CDH13: variants seen among roughly 807,000 people sequenced by gnomAD.
CDH13 encodes cadherin 13.
Under a neutral mutation model 63.8 loss-of-function variants are expected in CDH13, and 24 were observed. That is an observed-to-expected ratio of 0.38 (90% CI 0.27 to 0.53). The LOEUF is 0.53. Among genes scored for constraint, CDH13 ranks in the 20% least tolerant of loss-of-function variants. The probability of loss-of-function intolerance (pLI) is 0.85; values close to 1 mark genes in which losing one functional copy is unlikely to be tolerated. For missense variants in CDH13, 1,049 were observed against 903.1 expected (o/e 1.16, Z -2.07); for synonymous variants, 503 against 355.3 (o/e 1.42, Z -4.67).
At chr16:83,298,707 A>T (rs941930172) in intron 5 of CDH13, among the ~76,000 whole-genome samples, 3 of 152,212 alleles carry the variant, frequency 2.0e-5, no homozygotes, top group Non-Finnish European at 4.4e-5. Context: ...GGACTTGGAA[A>T]GGCCTAAGGT....
intron 3 of CDH13, among the ~76,000 whole-genome samples, chr16:83,083,293 T>C (rs923816110): frequency 6.6e-6 from 1 of 152,010 alleles, no homozygotes; most frequent in Non-Finnish European, 1.5e-5. Context: ...CCTGTTTCAG[T>C]AAAGCATTAG....
intron 1 of CDH13, among the ~76,000 whole-genome samples, chr16:82,633,016 G>T (rs1343569537): frequency 6.6e-6 from 1 of 152,170 alleles, no homozygotes; most frequent in East Asian, 1.9e-4. Context: ...AGGAGGCAGA[G>T]CCCAGGCGGT....
chr16:83,025,514 A>G (rs1915717470), intron 2 of CDH13, among the ~76,000 whole-genome samples: 1 of 152,168 alleles, frequency 6.6e-6, no homozygotes, highest in Non-Finnish European at 1.5e-5. Context: ...TGTCACAAGA[A>G]TAGCATGGAG....
At chr16:82,824,866 G>A (rs1305857987) in intron 1 of CDH13, 1 of 152,310 alleles carries the variant, frequency 6.6e-6, no homozygotes, top group South Asian at 2.1e-4. Flanking sequence ...GATGTTTGCT[G>A]CCATTTAGAA....
intron 4 of CDH13, among the ~76,000 whole-genome samples, chr16:83,216,404 ATATATATATATATATATATATAT>A: frequency 1.8e-5 from 1 of 56,534 alleles, no homozygotes; most frequent in South Asian, 6.7e-4. Context: ...TGAAATATAT[ATATATATATATATATATATATAT>A]ATATATATAT....
At chr16:82,873,390 C>T (rs1567619512) in intron 2 of CDH13, among the ~76,000 whole-genome samples, 2 of 152,180 alleles carry the variant, frequency 1.3e-5, no homozygotes, top group African/African-American at 4.8e-5. Context: ...TGACTCCAAA[C>T]CCCATTATCT....
intron 10 of CDH13, chr16:83,721,555 C>A (rs1335050492): frequency 6.6e-6 from 1 of 152,244 alleles, no homozygotes; most frequent in Non-Finnish European, 1.5e-5. Flanking sequence ...GGAAGAGTTG[C>A]TGAACACCTG....
chr16:83,172,845 T>C (rs989283238), intron 4 of CDH13, among the ~76,000 whole-genome samples: 2 of 152,126 alleles, frequency 1.3e-5, no homozygotes, highest in African/African-American at 2.4e-5. Flanking sequence ...GATCGTTTCA[T>C]CAGAGGATTT....
chr16:82,944,921 T>C (rs1350709756), intron 2 of CDH13, among the ~76,000 whole-genome samples: 1 of 152,082 alleles, frequency 6.6e-6, no homozygotes, highest in Non-Finnish European at 1.5e-5. Context: ...AAGAGAAATT[T>C]TAAAAAAATA....
intron 7 of CDH13, among the ~76,000 whole-genome samples, chr16:83,567,444 C>T (rs1159648155): frequency 2.6e-5 from 4 of 152,132 alleles, no homozygotes; most frequent in Non-Finnish European, 5.9e-5. Flanking sequence ...AACTGAGTCA[C>T]AAGAAGAGTT....
chr16:83,486,141 T>TAAAAAAAAGAAAA (rs138896605), intron 6 of CDH13, among the ~76,000 whole-genome samples: 49,168 of 150,178 alleles, frequency 0.33, 8,158 homozygotes, highest in Middle Eastern at 0.39. Context: ...AGACTCTGTC[T>TAAAAAAAAGAAAA]AAAAAAATGA....
chr16:83,099,555 C>G lies in CDH13; in HGVS notation c.367-25830C>G, dbSNP rs138710282. On this transcript the variant is annotated intron_variant, in intron 3 of 13. Transcript: ENST00000567109. Reference sequence around the variant, plus strand: ...GCCAGGCTGGTCTCGAAGTCCTAACCTCATGTGATCTACCTAACTCAGCCT... The same window carrying G: ...GCCAGGCTGGTCTCGAAGTCCTAACGTCATGTGATCTACCTAACTCAGCCT... Among the ~76,000 whole-genome samples, 3 of 129,876 alleles carry G rather than the reference C, an allele frequency of 2.3e-5. No individual in the cohort carries two copies. In the East Asian group the frequency reaches 8.9e-4, roughly 39 times the overall value. 85.2% of individuals were successfully genotyped at this position (129,876 alleles called of 152,430 possible). A position where few individuals can be genotyped will look rare whatever the true frequency, so the allele number is the denominator to read the frequency against.
chr16:83,232,772 A>AT (rs11382162), intron 5 of CDH13, among the ~76,000 whole-genome samples: 48,488 of 151,838 alleles, frequency 0.32, 8,221 homozygotes, highest in African/African-American at 0.38. Flanking sequence ...ACTCTCGGGT[A>AT]TTTTTTTATA....
chr16:83,533,346 G>C (rs904387144), intron 7 of CDH13, among the ~76,000 whole-genome samples: 4 of 152,194 alleles, frequency 2.6e-5, no homozygotes, highest in African/African-American at 9.6e-5. Context: ...GAGATGCCCA[G>C]AGGTGAGTCA....
chr16:82,757,990 C>G (rs529148162), intron 1 of CDH13, among the ~76,000 whole-genome samples: 2 of 152,256 alleles, frequency 1.3e-5, no homozygotes, highest in East Asian at 1.9e-4. Flanking sequence ...CATTCTGAGG[C>G]TAGAAATCTC....
chr16:83,147,526 C>T (rs576576272), intron 4 of CDH13, among the ~76,000 whole-genome samples: 3 of 152,322 alleles, frequency 2.0e-5, no homozygotes, highest in South Asian at 4.1e-4. Context: ...CCACTTCCTC[C>T]TTTCACGACT....
chr16:82,710,892 A>T (rs2031888305), intron 1 of CDH13, among the ~76,000 whole-genome samples: 1 of 151,688 alleles, frequency 6.6e-6, no homozygotes, highest in African/African-American at 2.4e-5. Flanking sequence ...GCATATATGA[A>T]AGAACAGTTT....
intron 2 of CDH13, among the ~76,000 whole-genome samples, chr16:82,935,605 C>T (rs1010565946): frequency 5.3e-5 from 8 of 152,184 alleles, no homozygotes; most frequent in African/African-American, 1.9e-4. Context: ...CAGTGATTCT[C>T]GAACTTGAGT....
chr16:83,139,429 C>T (rs917768265), intron 4 of CDH13, among the ~76,000 whole-genome samples: 1 of 152,148 alleles, frequency 6.6e-6, no homozygotes, highest in Non-Finnish European at 1.5e-5. Flanking sequence ...AAATACATTT[C>T]TTCTTAGTGA....
Sources: gnomAD v4.1 joint callset for allele counts (sites outside exome capture counted in the v4.1 genomes callset) on GRCh38, gnomAD v4.1.1 for gene constraint, MANE v1.5 for transcripts, NCBI Gene and HGNC (gene_info 2026-07-23, HGNC 2026-07-21) for gene names.